The following RBM19 variants were observed in gnomAD, a reference collection of about 807,000 sequenced individuals.
RBM19 encodes RNA binding motif protein 19.
Under a neutral mutation model 116.8 loss-of-function variants are expected in RBM19, and 94 were observed. The ratio of observed to expected loss-of-function variants is 0.80; its 90% confidence interval spans 0.68 to 0.95. RBM19 has a LOEUF of 0.95. RBM19 is among the 40% of genes least tolerant of loss of function. The pLI, the probability that RBM19 is intolerant of heterozygous loss-of-function variation, is 0.00. For missense variants in RBM19, 1,161 were observed against 1,220.7 expected (o/e 0.95, Z 0.73); for synonymous variants, 475 against 494.1 (o/e 0.96, Z 0.51).
chr12:113,894,656 A>C (rs1418174030), intron 21 of RBM19, among the ~76,000 whole-genome samples: 1 of 152,208 alleles, frequency 6.6e-6, no homozygotes, highest in African/African-American at 2.4e-5. Flanking sequence ...TTAAGGTCTT[A>C]ATTATTCTGG....
At chr12:113,861,474 CTGTGTGTGTGTGTGTGTGTGTG>C (rs57704604) in intron 21 of RBM19, among the ~76,000 whole-genome samples, 1 of 126,420 alleles carries the variant, frequency 7.9e-6, no homozygotes, top group African/African-American at 3.1e-5. Context: ...AAGCCAGACT[CTGTGTGTGTGTGTGTGTGTGTG>C]TGTGTGTGTG....
intron 16 of RBM19, among the ~76,000 whole-genome samples, chr12:113,934,474 A>G (rs1484617769): frequency 3.9e-5 from 6 of 152,200 alleles, no homozygotes; most frequent in Non-Finnish European, 5.9e-5. Context: ...CTAGCATGGC[A>G]TAACTGCTGC....
At chr12:113,878,328 G>A (rs1879817171) in intron 21 of RBM19, among the ~76,000 whole-genome samples, 1 of 152,100 alleles carries the variant, frequency 6.6e-6, no homozygotes, top group East Asian at 1.9e-4. Context: ...GTACTTACAG[G>A]GGGCACTTAT....
At chr12:113,831,307 T>C (rs973802668) in intron 23 of RBM19, among the ~76,000 whole-genome samples, 1 of 152,244 alleles carries the variant, frequency 6.6e-6, no homozygotes, top group Non-Finnish European at 1.5e-5. Context: ...CTTTCATTTG[T>C]GGTCATGAAG....
At chr12:113,938,905 C>G (rs1052425177) in intron 15 of RBM19, among the ~76,000 whole-genome samples, 1 of 151,712 alleles carries the variant, frequency 6.6e-6, no homozygotes, top group Non-Finnish European at 1.5e-5. Context: ...CAGACTGTGG[C>G]CTTCGGAACC....
In RBM19 at chr12:113,823,303, C is replaced by A. The variant is rs201188192; in HGVS notation, c.2804G>T (p.Arg935Leu). ...AHFHEPPKKK[R>L]SVVLDEILEQ... ...CAGGATCTCGTCCAACACCACAGAC[C>A]GCTTTTTCTTCGGGGGCTCTGTGGG... The change falls in exon 24 of 24, where the codon CGG becomes CTG. Residue 935 changes from arginine to leucine, a missense_variant. Arg to Leu is a moderately radical substitution (Grantham distance 102). Coordinates refer to ENST00000261741, the MANE Select transcript of RBM19 (RefSeq NM_016196.4). The A allele has an allele frequency of 6.2e-7, 1 of 1,613,190 alleles. No individual in the cohort carries two copies. The highest frequency in any genetic ancestry group is 1.3e-5 in the African/African-American group (1 of 75,076).
intron 21 of RBM19, among the ~76,000 whole-genome samples, chr12:113,866,718 G>A (rs1335326182): frequency 1.3e-5 from 2 of 152,152 alleles, no homozygotes; most frequent in African/African-American, 4.8e-5. Context: ...GGTGAGTGTG[G>A]GCCTGCTCAG....
chr12:113,889,675 A>T (rs199731854), intron 21 of RBM19, among the ~76,000 whole-genome samples: 1 of 143,580 alleles, frequency 7.0e-6, no homozygotes, highest in Non-Finnish European at 1.5e-5. Context: ...ACAAACAACA[A>T]AAAAAAAAAC....
Position 113,959,135 on chromosome 12 carries a change from A to AG in RBM19, c.571+76dup, listed in dbSNP as rs1381392350. Reference sequence around the variant, plus strand: ...CACCTGACTCCTAGAGTCTGCACAGAGGGGCCCCCAGTGCCGGTTAGCCCA... The same window carrying AG: ...CACCTGACTCCTAGAGTCTGCACAGAGGGGGCCCCCAGTGCCGGTTAGCCCA... On this transcript the variant is annotated intron_variant, in intron 5 of 23. Coordinates refer to ENST00000261741, the MANE Select transcript of RBM19 (RefSeq NM_016196.4). The AG allele has an allele frequency of 2.0e-6, 3 of 1,508,770 alleles. No individual in the cohort carries two copies. In the African/African-American group the frequency reaches 4.1e-5, roughly 21 times the overall value. 93.5% of individuals were successfully genotyped at this position (1,508,770 alleles called of 1,614,324 possible). A position where few individuals can be genotyped will look rare whatever the true frequency, so the allele number is the denominator to read the frequency against.
intron 14 of RBM19, 46 bp from the exon 15 acceptor site, chr12:113,940,206 G>T (rs1185402997): frequency 5.1e-6 from 8 of 1,574,166 alleles, no homozygotes; most frequent in Non-Finnish European, 6.9e-6. Context: ...GAGGGAGGAG[G>T]GTCCCCAGCT....
At chr12:113,948,780 G>A (rs1162776025) in intron 10 of RBM19, 53 bp downstream of exon 10, 8 of 1,579,626 alleles carry the variant, frequency 5.1e-6, no homozygotes, top group South Asian at 1.1e-5. Flanking sequence ...CAGAGTGAGA[G>A]CCCGGCTCCC....
At chr12:113,918,639 T>G (rs2135860535) in intron 19 of RBM19, among the ~76,000 whole-genome samples, 192 bp from the exon 20 acceptor site, 1 of 152,360 alleles carries the variant, frequency 6.6e-6, no homozygotes, top group African/African-American at 2.4e-5. Context: ...AGGCAGCAGC[T>G]GGTGGTCAGA....
intron 19 of RBM19, among the ~76,000 whole-genome samples, chr12:113,919,978 T>C (rs914940452): frequency 1.3e-5 from 2 of 152,142 alleles, no homozygotes; most frequent in African/African-American, 2.4e-5. Context: ...GATCCTGCCC[T>C]GCACACCTCT....
intron 21 of RBM19, among the ~76,000 whole-genome samples, chr12:113,887,771 G>C (rs1214528413): frequency 6.6e-6 from 1 of 151,842 alleles, no homozygotes; most frequent in Non-Finnish European, 1.5e-5. Flanking sequence ...CCAGGCTGGA[G>C]TGCAAATGGT....
chr12:113,887,414 C>T (rs2891479), intron 21 of RBM19, among the ~76,000 whole-genome samples: 1 of 151,808 alleles, frequency 6.6e-6, no homozygotes, highest in Non-Finnish European at 1.5e-5. Flanking sequence ...GAGGTGGGCA[C>T]ATCACGAGGT....
chr12:113,851,337 A>G (rs575269105), intron 22 of RBM19, among the ~76,000 whole-genome samples: 30 of 152,174 alleles, frequency 2.0e-4, no homozygotes, highest in Non-Finnish European at 4.0e-4. Context: ...ATTCGGCTCA[A>G]AGTCTCTGGG....
At chr12:113,872,137 C>A (rs1312990742) in intron 21 of RBM19, among the ~76,000 whole-genome samples, 25 of 149,012 alleles carry the variant, frequency 1.7e-4, no homozygotes, top group Admixed American at 4.0e-4. Context: ...TCTGCCCGGC[C>A]GCCCATCGTC....
chr12:113,936,766 T>G, intron 16 of RBM19: 1 of 436,458 alleles, frequency 2.3e-6, no homozygotes, highest in African/African-American at 2.0e-5. Flanking sequence ...TGTTAATAGA[T>G]AGTAATTTTT....
chr12:113,930,670 G>T (rs942224542), intron 16 of RBM19, among the ~76,000 whole-genome samples: 4 of 152,314 alleles, frequency 2.6e-5, no homozygotes, highest in South Asian at 2.1e-4. Flanking sequence ...TGTGCTCAAA[G>T]GGGTCTGCCT....
Sources: allele counts gnomAD v4.1 joint callset (sites outside exome capture counted in the v4.1 genomes callset), GRCh38; gene constraint gnomAD v4.1.1; transcripts MANE v1.5; gene names NCBI Gene and HGNC (gene_info 2026-07-23, HGNC 2026-07-21).